Variants in SIRPB1 observed in about 807,000 individuals in gnomAD.
SIRPB1 encodes signal regulatory protein beta 1.
A neutral mutation model predicts 34.1 loss-of-function variants in SIRPB1; 28 were observed. The ratio of observed to expected loss-of-function variants is 0.82; its 90% CI spans 0.61 to 1.12. The LOEUF is 1.12. Among genes scored for constraint, SIRPB1 ranks in the 50% most tolerant of loss-of-function variants. The pLI, the probability that SIRPB1 is intolerant of heterozygous loss-of-function variation, is 0.00. For synonymous variants in SIRPB1, 211 were observed against 203.8 expected, an observed-to-expected ratio of 1.04 and a Z score of -0.30; for missense variants, 499 against 507.0, an observed-to-expected ratio of 0.98 and a Z score of 0.15.
At chr20:1,619,759 C>T (rs117803469) in intron 1 of SIRPB1, 110 bp downstream of exon 1, 1 of 776,664 alleles carries the variant, frequency 1.3e-6, no homozygotes, top group South Asian at 1.8e-5. Flanking sequence ...AAAGCCTAAT[C>T]CTTGGCCTTT....
In SIRPB1 at chr20:1,611,003, G is replaced by A. The variant is rs201092490; in HGVS notation, c.76+8866C>T. On this transcript the variant is annotated intron_variant, in intron 1 of 5. Coordinates refer to ENST00000381605, the MANE Select transcript of SIRPB1 (RefSeq NM_006065.5). ...GACTTGGCCACCCTGAGGGGGAAGC[G>A]TTCTCTGGAGGCAGAAGGCAAGGTC... Among the ~76,000 whole-genome samples, 2 of 72,484 alleles carry A rather than the reference G, an allele frequency of 2.8e-5. 1 individual carries two copies. The allele number at this position is 72,484 out of a possible 152,430, so 47.6% of individuals were successfully genotyped here.
chr20:1,601,420 A>C (rs2091475686), intron 1 of SIRPB1, among the ~76,000 whole-genome samples: 1 of 49,160 alleles, frequency 2.0e-5, no homozygotes, highest in Non-Finnish European at 3.9e-5. Context: ...AAGAAACAAA[A>C]AAGGAAAAGT....
intron 4 of SIRPB1, chr20:1,570,462 A>G (rs747562771): frequency 1.3e-4 from 26 of 197,174 alleles, no homozygotes; most frequent in Non-Finnish European, 2.6e-4. Context: ...TGTGCTGGCG[A>G]GAAATGCAGA....
chr20:1,619,012 A>G (rs1395062471), intron 1 of SIRPB1, among the ~76,000 whole-genome samples: 2 of 152,198 alleles, frequency 1.3e-5, no homozygotes, highest in African/African-American at 4.8e-5. Flanking sequence ...CCTTAATACA[A>G]CAAGACTGAT....
chr20:1,571,729 C>A lies in SIRPB1; in HGVS notation c.742G>T (p.Ala248Ser). Residue 248 changes from alanine to serine, a missense_variant, in exon 3 of 6, where the codon GCC (alanine) becomes TCC (serine). Ala to Ser is a moderately conservative substitution (Grantham distance 99). Transcript: ENST00000381605. ...PLRGTANLSE[A>S]IRVPPTLEVT... ...TGTGAGGGTCTTCTACCTCGGATGG[C>A]CTCAGACAAGTTGGCAGTCCCACGA... is the stretch of plus-strand genomic sequence containing the variant. 1 of 1,614,166 alleles carries A rather than the reference C, an allele frequency of 6.2e-7. No individual in the cohort carries two copies. The highest frequency in any genetic ancestry group is 8.5e-7 in the Non-Finnish European group (1 of 1,180,028).
At position 1,578,582 on chromosome 20, in the gene SIRPB1, C is replaced by T; in HGVS notation, c.189G>A (p.Gly63=). The T allele has an allele frequency of 6.3e-7, 1 of 1,584,134 alleles. No homozygotes were observed. The highest frequency in any genetic ancestry group is 2.2e-5 in the East Asian group (1 of 44,870). Residue 63 remains glycine, a synonymous_variant, in exon 2 of 6, where the codon GGG becomes GGA. Coordinates refer to ENST00000381605, the MANE Select transcript of SIRPB1 (RefSeq NM_006065.5). ...CAGCTCCTCTAAACCACATGATGGG[C>T]CCCACAGGGATCAGGGACGTCATAG... The part of the protein sequence containing the change: ...RCAMTSLIPV[G]PIMWFRGAGA...
At chr20:1,572,716 G>A (rs1489223843) in intron 2 of SIRPB1, among the ~76,000 whole-genome samples, 6 of 151,430 alleles carry the variant, frequency 4.0e-5, no homozygotes, top group South Asian at 2.1e-4. Flanking sequence ...GAAACATTCC[G>A]TATTTTTCTT....
chr20:1,568,495 C>T lies in SIRPB1; in HGVS notation c.1085-2228G>A, dbSNP rs115142964. Among the ~76,000 whole-genome samples the T allele has an allele frequency of 2.6e-3, 392 of 152,312 alleles. 2 individuals are homozygous for T. The highest frequency in any genetic ancestry group is 8.2e-3 in the African/African-American group (341 of 41,560). On this transcript the variant is annotated intron_variant, in intron 4 of 5. Coordinates refer to ENST00000381605, the MANE Select transcript of SIRPB1 (RefSeq NM_006065.5). ...TTGGAAGTCTAAGAAAAGACTCAACCTTGTCCAGATGGTACAGACTCATCT... is the reference window on the plus strand; with the variant it reads ...TTGGAAGTCTAAGAAAAGACTCAACTTTGTCCAGATGGTACAGACTCATCT...
At position 1,571,086 on chromosome 20, in the gene SIRPB1, G is replaced by A. The variant is rs982649266; in HGVS notation, c.803C>T (p.Ala268Val). 1.2e-6 allele frequency: 2 copies of A among 1,614,088 alleles called. No individual in the cohort carries two copies. Among genetic ancestry groups the A allele is most frequent in the Non-Finnish European group, 1.7e-6 (2 of 1,179,932 alleles). Residue 268 changes from alanine (A) to valine (V), a missense_variant, in exon 4 of 6, where the codon GCA becomes GTA. Coordinates refer to ENST00000381605, the MANE Select transcript of SIRPB1 (RefSeq NM_006065.5). The part of the protein sequence containing the change: ...TQQPMRAENQ[A>V]NVTCQVSNFY... ...ATTGCTCACCTGGCAGGTGACGTTT[G>A]CCTGGTTCTCTGCCCTCATGGGCTG...
chr20:1,573,834 A>C (rs2091275948), intron 2 of SIRPB1, among the ~76,000 whole-genome samples: 1 of 146,822 alleles, frequency 6.8e-6, no homozygotes, highest in Non-Finnish European at 1.5e-5. Flanking sequence ...GGGTAAGTGC[A>C]AGGGCATAGC....
At position 1,561,827 on chromosome 20, in the gene SIRPB1, C is replaced by G. The variant is rs759669440; in HGVS notation, c.*3673G>C. Among the ~76,000 whole-genome samples the G allele has an allele frequency of 6.6e-6, 1 of 152,046 alleles. No individual in the cohort carries two copies. Among genetic ancestry groups the G allele is most frequent in the Non-Finnish European group, 1.5e-5 (1 of 67,998 alleles). On this transcript the variant is annotated 3_prime_UTR_variant, in exon 6 of 6. Coordinates refer to ENST00000381605, the MANE Select transcript of SIRPB1 (RefSeq NM_006065.5). ...GTAAAGTTATTTTTTCTCCTTTTTTCCATGCTGTACTCTTTGCAAAGAAGT... is the reference window on the plus strand; with the variant it reads ...GTAAAGTTATTTTTTCTCCTTTTTTGCATGCTGTACTCTTTGCAAAGAAGT...
At chr20:1,619,809 C>T (rs140313428) in intron 1 of SIRPB1, 60 bp downstream of exon 1, 52 of 1,264,930 alleles carry the variant, frequency 4.1e-5, no homozygotes, top group Non-Finnish European at 5.7e-5. Flanking sequence ...CCTGAAAGTC[C>T]AGGGACAGGC....
At position 1,583,264 on chromosome 20, in the gene SIRPB1, A is replaced by G. The variant is rs2091407415; in HGVS notation, c.77-4570T>C. Among the ~76,000 whole-genome samples, 2 of 49,066 alleles carry G rather than the reference A, an allele frequency of 4.1e-5. 1 individual carries two copies. Among genetic ancestry groups the G allele is most frequent in the Non-Finnish European group, 7.9e-5 (2 of 25,456 alleles). The allele number at this position is 49,066 out of a possible 152,430, so 32.2% of individuals were successfully genotyped here. ...AGTAATGGTGAAACCTGTGATCTCT[A>G]GAGTCAAAGTGCCTGAGTTCAAATC... On this transcript the variant is annotated intron_variant, in intron 1 of 5. Coordinates refer to ENST00000381605, the MANE Select transcript of SIRPB1 (RefSeq NM_006065.5).
chr20:1,614,872 T>C (rs1406312961), intron 1 of SIRPB1, among the ~76,000 whole-genome samples: 1 of 152,206 alleles, frequency 6.6e-6, no homozygotes, highest in East Asian at 1.9e-4. Context: ...TTCACCCTGA[T>C]GACTTTCTTG....
chr20:1,605,567 G>C lies in SIRPB1; in HGVS notation c.76+14302C>G, dbSNP rs554291548. ...CTCATCCGCAAAACAGGAGGACGGA[G>C]GACGGCGTTTCTACTTCCTGGGATG... is the stretch of plus-strand genomic sequence containing the variant. On this transcript the variant is annotated intron_variant, in intron 1 of 5. Transcript: ENST00000381605. Among the ~76,000 whole-genome samples, 2 of 48,654 alleles carry C rather than the reference G, an allele frequency of 4.1e-5. 1 individual carries two copies. The highest frequency in any genetic ancestry group is 1.7e-3 in the South Asian group (2 of 1,174). The allele number at this position is 48,654 out of a possible 152,430, so 31.9% of individuals were successfully genotyped here. A position where few individuals can be genotyped will look rare whatever the true frequency, so the allele number is the denominator to read the frequency against.
At chr20:1,567,836 T>C (rs867011299) in intron 4 of SIRPB1, among the ~76,000 whole-genome samples, 1 of 152,150 alleles carries the variant, frequency 6.6e-6, no homozygotes, top group African/African-American at 2.4e-5. Context: ...AAACTAAGAG[T>C]GATTCATCAT....
Position 1,566,201 on chromosome 20 carries a change from A to G in SIRPB1, c.1151T>C (p.Val384Ala), listed in dbSNP as rs1359141517. The change falls in exon 5 of 6, where the codon GTG becomes GCG. Residue 384 changes from valine to alanine, a missense_variant. Physicochemically the swap from Val to Ala is moderately conservative, Grantham distance 64. Coordinates refer to ENST00000381605, the MANE Select transcript of SIRPB1 (RefSeq NM_006065.5). The part of the protein sequence containing the change: ...ALLLGPKLLL[V>A]VGVSAIYICW... Reference sequence around the variant, plus strand: ...GATGTAGATGGCAGAGACACCAACCACCAGTAGCAGCTTGGGGCCCAGGAG... The same window carrying G: ...GATGTAGATGGCAGAGACACCAACCGCCAGTAGCAGCTTGGGGCCCAGGAG... 2 of 1,612,184 alleles carry G rather than the reference A, an allele frequency of 1.2e-6. No homozygotes were observed. The highest frequency in any genetic ancestry group is 1.7e-6 in the Non-Finnish European group (2 of 1,179,304).
chr20:1,572,374 T>A lies in SIRPB1; in HGVS notation c.434-337A>T, dbSNP rs1197627578. 2.6e-5 allele frequency among the ~76,000 whole-genome samples: 4 copies of A among 151,724 alleles called. No individual in the cohort carries two copies. The East Asian group carries it at 7.8e-4, about 29-fold the overall frequency. ...CCATGTTATTAACTGGTCCTAGCTG[T>A]CCTCCCCCGGAAGGCTCACTAACCT... On this transcript the variant is annotated intron_variant, in intron 2 of 5. Transcript: ENST00000381605.
intron 3 of SIRPB1, among the ~76,000 whole-genome samples, chr20:1,571,395 G>A (rs1211085473): frequency 3.9e-5 from 6 of 152,196 alleles, no homozygotes; most frequent in Admixed American, 1.3e-4. Context: ...ACAACCCCTG[G>A]CATGCAGTTG....
Sources: gnomAD v4.1 joint callset for allele counts (sites outside exome capture counted in the v4.1 genomes callset) on GRCh38, gnomAD v4.1.1 for gene constraint, MANE v1.5 for transcripts, NCBI Gene and HGNC (gene_info 2026-07-23, HGNC 2026-07-21) for gene names.